GMDS: variants seen among roughly 807,000 people sequenced by gnomAD.
GMDS encodes GDP-mannose 4,6 dehydratase.
Under a neutral mutation model 49.9 loss-of-function variants are expected in GMDS, and 20 were observed. The ratio of observed to expected loss-of-function variants is 0.40; its 90% CI spans 0.28 to 0.58. GMDS has a LOEUF of 0.58. GMDS is among the 20% of genes least tolerant of loss of function. GMDS has a pLI of 0.42. For missense variants in GMDS, 362 were observed against 481.4 expected (o/e 0.75, Z 2.32); for synonymous variants, 177 against 178.6 (o/e 0.99, Z 0.07).
At chr6:2,102,919 G>T (rs930897666) in intron 4 of GMDS, among the ~76,000 whole-genome samples, 2 of 152,158 alleles carry the variant, frequency 1.3e-5, no homozygotes, top group East Asian at 1.9e-4. Context: ...TTTTCAAACC[G>T]CCTACACTAC....
chr6:1,647,190 G>C (rs915772955), intron 9 of GMDS, among the ~76,000 whole-genome samples: 1 of 152,238 alleles, frequency 6.6e-6, no homozygotes, highest in Non-Finnish European at 1.5e-5. Flanking sequence ...GCCTGTCCAC[G>C]ATGTGGCTTT....
At chr6:2,127,852 A>G (rs1213686749) in intron 1 of GMDS, among the ~76,000 whole-genome samples, 1 of 152,244 alleles carries the variant, frequency 6.6e-6, no homozygotes, top group African/African-American at 2.4e-5. Flanking sequence ...GAATGCTCCA[A>G]TCAGACTAAT....
chr6:1,738,807 C>T (rs1400463857), intron 8 of GMDS, among the ~76,000 whole-genome samples: 2 of 152,240 alleles, frequency 1.3e-5, no homozygotes, highest in Admixed American at 6.5e-5. Flanking sequence ...CTCTCCCTCT[C>T]CATGTTCTCG....
At chr6:1,858,044 T>C (rs1445809784) in intron 7 of GMDS, among the ~76,000 whole-genome samples, 1 of 152,212 alleles carries the variant, frequency 6.6e-6, no homozygotes, top group Non-Finnish European at 1.5e-5. Flanking sequence ...GTAACGAATG[T>C]ATTATACTTA....
chr6:1,679,147 G>A (rs1012630644), intron 9 of GMDS: 1 of 152,220 alleles, frequency 6.6e-6, no homozygotes, highest in South Asian at 2.1e-4. Flanking sequence ...TGTGTTGAGA[G>A]CAGACAGATG....
At position 2,005,788 on chromosome 6, in the gene GMDS, A is replaced by G. The variant is rs565933000; in HGVS notation, c.346-44822T>C. 2.6e-5 allele frequency among the ~76,000 whole-genome samples: 4 copies of G among 152,274 alleles called. No homozygotes were observed. The East Asian group carries it at 7.7e-4, about 29-fold the overall frequency. On this transcript the variant is annotated intron_variant, in intron 4 of 10. Coordinates refer to ENST00000380815, the MANE Select transcript of GMDS (RefSeq NM_001500.4). ...CAGACCACCTGGGACAGGTGACAAC[A>G]TTTGACTCAAGGAGGCTGTGCCATG...
intron 4 of GMDS, among the ~76,000 whole-genome samples, chr6:2,055,791 C>A (rs1581581921): frequency 6.6e-6 from 1 of 152,088 alleles, no homozygotes; most frequent in South Asian, 2.1e-4. Context: ...GTGTTTAAAT[C>A]TTAGTTTTGT....
At chr6:1,978,006 T>G (rs1765005802) in intron 4 of GMDS, among the ~76,000 whole-genome samples, 1 of 152,198 alleles carries the variant, frequency 6.6e-6, no homozygotes, top group African/African-American at 2.4e-5. Context: ...TCCACTGCAC[T>G]TCACAAGATA....
rs80077516 is a variant in GMDS, at chr6:1,908,270, T to C, written c.771+21833A>G. On this transcript the variant is annotated intron_variant, in intron 7 of 10. Coordinates refer to ENST00000380815, the MANE Select transcript of GMDS (RefSeq NM_001500.4). ...TGCACGATTTAAAACTTATGAATTATTTCTGTAATTTCCCATTTAATATTT... is the reference window on the plus strand; with the variant it reads ...TGCACGATTTAAAACTTATGAATTACTTCTGTAATTTCCCATTTAATATTT... 9.6e-3 allele frequency among the ~76,000 whole-genome samples: 1,464 copies of C among 152,312 alleles called. 22 individuals carry two copies. The highest frequency in any genetic ancestry group is 0.033 in the African/African-American group (1,372 of 41,560).
chr6:2,046,042 T>A (rs368187962), intron 4 of GMDS, among the ~76,000 whole-genome samples: 1 of 152,032 alleles, frequency 6.6e-6, no homozygotes, highest in Non-Finnish European at 1.5e-5. Flanking sequence ...AAGACCTGTC[T>A]CTACAAAAAT....
intron 8 of GMDS, among the ~76,000 whole-genome samples, chr6:1,735,469 G>GT (rs572284570): frequency 6.6e-6 from 1 of 152,356 alleles, no homozygotes; most frequent in African/African-American, 2.4e-5. Flanking sequence ...GAGGCAGGGT[G>GT]TTGGTCAGAG....
At chr6:1,760,368 A>G (rs927491726) in intron 7 of GMDS, among the ~76,000 whole-genome samples, 1 of 152,174 alleles carries the variant, frequency 6.6e-6, no homozygotes, top group Non-Finnish European at 1.5e-5. Context: ...CAGGGGGGAT[A>G]AGTCACCACC....
At chr6:1,953,598 T>C (rs1410673489) in intron 6 of GMDS, among the ~76,000 whole-genome samples, 2 of 152,220 alleles carry the variant, frequency 1.3e-5, no homozygotes. Context: ...AATTAAGACA[T>C]AATTAGCCCC....
At chr6:2,236,766 T>C (rs1467715435) in intron 1 of GMDS, among the ~76,000 whole-genome samples, 2 of 152,186 alleles carry the variant, frequency 1.3e-5, no homozygotes, top group African/African-American at 4.8e-5. Flanking sequence ...AAAGTGCCAA[T>C]TAGAGGCTTT....
intron 7 of GMDS, among the ~76,000 whole-genome samples, chr6:1,883,580 T>C (rs941771023): frequency 6.6e-6 from 1 of 152,118 alleles, no homozygotes; most frequent in Non-Finnish European, 1.5e-5. Flanking sequence ...TACTCTCAGA[T>C]ACATGAGCTC....
At chr6:1,970,717 G>C (rs1764556089) in intron 4 of GMDS, among the ~76,000 whole-genome samples, 1 of 152,158 alleles carries the variant, frequency 6.6e-6, no homozygotes. Context: ...GGAGGATAGA[G>C]ATCCAAAGGA....
chr6:1,968,647 T>G (rs1463238817), intron 4 of GMDS, among the ~76,000 whole-genome samples: 1 of 152,112 alleles, frequency 6.6e-6, no homozygotes, highest in East Asian at 1.9e-4. Flanking sequence ...GCGGCTATAG[T>G]CATCAGGAGT....
intron 4 of GMDS, among the ~76,000 whole-genome samples, chr6:2,015,363 T>C (rs901736268): frequency 2.0e-5 from 3 of 152,034 alleles, no homozygotes; most frequent in Non-Finnish European, 4.4e-5. Flanking sequence ...CACAACAAAA[T>C]TAAATTTAGA....
chr6:2,049,589 A>C (rs553506565), intron 4 of GMDS, among the ~76,000 whole-genome samples: 9 of 152,330 alleles, frequency 5.9e-5, no homozygotes, highest in African/African-American at 1.7e-4. Flanking sequence ...AAGGATCTTA[A>C]GATGGTGAGC....
Sources: allele counts gnomAD v4.1 joint callset (sites outside exome capture counted in the v4.1 genomes callset), GRCh38; gene constraint gnomAD v4.1.1; transcripts MANE v1.5; gene names NCBI Gene and HGNC (gene_info 2026-07-23, HGNC 2026-07-21).